SLC19A3: variants seen among roughly 807,000 people sequenced by gnomAD.
SLC19A3 encodes the protein solute carrier family 19 member 3.
Under a neutral mutation model 40.2 loss-of-function variants are expected in SLC19A3, and 31 were observed. The ratio of observed to expected loss-of-function variants is 0.77; its 90% CI spans 0.58 to 1.04. The LOEUF is 1.04. Among genes scored for constraint, SLC19A3 ranks in the 50% least tolerant of loss-of-function variants. The pLI, the probability that SLC19A3 is intolerant of heterozygous loss-of-function variation, is 0.00. For synonymous variants in SLC19A3, 212 were observed against 227.5 expected, an observed-to-expected ratio of 0.93 and a Z score of 0.61; for missense variants, 592 against 596.7, an observed-to-expected ratio of 0.99 and a Z score of 0.08.
Position 227,703,467 on chromosome 2 carries a change from T to C in SLC19A3, c.-2-1147A>G, listed in dbSNP as rs780135447. On this transcript the variant is annotated intron_variant, in intron 1 of 5. Coordinates refer to ENST00000644224, the MANE Select transcript of SLC19A3 (RefSeq NM_025243.4). This position sits in a 1 kb window ranked among gnomAD's most constrained non-coding sequence, Gnocchi z 4.7. ...TTAAGTTCAATAGGGTAAACACTGT[T>C]TATGTCAACAAAGCCCTTGATTAAG... Among the ~76,000 whole-genome samples, 4 of 152,130 alleles carry C rather than the reference T, an allele frequency of 2.6e-5. No homozygotes were observed. Among genetic ancestry groups the C allele is most frequent in the Non-Finnish European group, 4.4e-5 (3 of 68,026 alleles).
chr2:227,709,371 G>C (rs1038208344), intron 1 of SLC19A3, among the ~76,000 whole-genome samples: 1 of 152,106 alleles, frequency 6.6e-6, no homozygotes, highest in African/African-American at 2.4e-5. Context: ...TGTAATTCCA[G>C]CTACTTGGCA....
At chr2:227,687,681 A>G in intron 5 of SLC19A3, 108 bp from the exon 6 acceptor site, 1 of 1,160,976 alleles carries the variant, frequency 8.6e-7, no homozygotes, top group Non-Finnish European at 1.2e-6. Context: ...ACTGAGACCC[A>G]GGTTTTTAAT....
chr2:227,692,536 T>C (rs1695272755), intron 4 of SLC19A3, among the ~76,000 whole-genome samples: 2 of 152,182 alleles, frequency 1.3e-5, no homozygotes, highest in African/African-American at 2.4e-5. Context: ...AAACTGGGTA[T>C]AGAAGGAACA....
At chr2:227,713,868 C>T (rs567746013) in intron 1 of SLC19A3, among the ~76,000 whole-genome samples, 1 of 150,946 alleles carries the variant, frequency 6.6e-6, no homozygotes, top group East Asian at 2.0e-4. Context: ...ATCCTGTGTA[C>T]AAGAATCCAG....
chr2:227,688,119 G>T, intron 5 of SLC19A3, 47 bp downstream of exon 5: 1 of 1,610,726 alleles, frequency 6.2e-7, no homozygotes, highest in Non-Finnish European at 8.5e-7. Context: ...GTAAGGTTGA[G>T]AAATTTTTGA....
rs1574559863 is a variant in SLC19A3 at position 227,699,268 on chromosome 2, G to C, written c.447C>G (p.Ala149=). The C allele has an allele frequency of 3.1e-6, 5 of 1,613,926 alleles. No homozygotes were observed. Among genetic ancestry groups the C allele is most frequent in the Non-Finnish European group, 4.2e-6 (5 of 1,179,952 alleles). The change falls in exon 3 of 6, where the codon GCC becomes GCG. Residue 149 remains alanine, a synonymous_variant. Transcript: ENST00000644224. ...VSGYCRSVTL[A]AYTAGSVLAQ... ...CCAGCACCGACCCTGCTGTGTAGGC[G>C]GCCAGCGTGACGCTCCTGCAGTAGC...
At chr2:227,705,095 C>T (rs1266022927) in intron 1 of SLC19A3, among the ~76,000 whole-genome samples, 2 of 151,394 alleles carry the variant, frequency 1.3e-5, no homozygotes, top group Non-Finnish European at 2.9e-5. Flanking sequence ...CCAGGCTGGT[C>T]TCAAACTCCT....
intron 3 of SLC19A3, among the ~76,000 whole-genome samples, chr2:227,697,818 C>T (rs866895992): frequency 1.8e-4 from 28 of 152,110 alleles, no homozygotes; most frequent in African/African-American, 4.3e-4. Flanking sequence ...TGGCTCACGC[C>T]TGTAATCCCA....
intron 4 of SLC19A3, among the ~76,000 whole-genome samples, chr2:227,691,488 G>T (rs1250367324): frequency 6.6e-6 from 1 of 151,978 alleles, no homozygotes; most frequent in Non-Finnish European, 1.5e-5. Flanking sequence ...GCATGTTTGT[G>T]ATCCCAGCTT....
intron 1 of SLC19A3, among the ~76,000 whole-genome samples, chr2:227,708,827 A>G (rs1696042213): frequency 6.6e-6 from 1 of 152,108 alleles, no homozygotes; most frequent in South Asian, 2.1e-4. Flanking sequence ...AAATTACTTC[A>G]TTGCTAGGAT....
chr2:227,710,196 C>G (rs970997503), intron 1 of SLC19A3, among the ~76,000 whole-genome samples: 1 of 152,048 alleles, frequency 6.6e-6, no homozygotes, highest in African/African-American at 2.4e-5. Flanking sequence ...ATCTAGAATC[C>G]CCACTCTCCA....
At chr2:227,712,795 T>G (rs2106343000) in intron 1 of SLC19A3, among the ~76,000 whole-genome samples, 1 of 116,254 alleles carries the variant, frequency 8.6e-6, no homozygotes, top group East Asian at 2.8e-4. Context: ...AAATTTGCTG[T>G]GCCAAGGAAT....
chr2:227,697,581 C>A (rs934176201), intron 3 of SLC19A3, among the ~76,000 whole-genome samples: 3 of 152,060 alleles, frequency 2.0e-5, no homozygotes, highest in African/African-American at 7.2e-5. Context: ...CCTGTATTAA[C>A]AAAACCCTCA....
chr2:227,713,802 A>T (rs1696231670), intron 1 of SLC19A3, among the ~76,000 whole-genome samples: 1 of 152,064 alleles, frequency 6.6e-6, no homozygotes, highest in South Asian at 2.1e-4. Context: ...ATTTGAAAAA[A>T]AAACAACAAA....
At chr2:227,710,654 C>A (rs143293728) in intron 1 of SLC19A3, among the ~76,000 whole-genome samples, 3 of 152,234 alleles carry the variant, frequency 2.0e-5, no homozygotes, top group East Asian at 1.9e-4. Context: ...CCTTCCCCCC[C>A]AGTTTTTAGA....
intron 3 of SLC19A3, among the ~76,000 whole-genome samples, chr2:227,697,827 C>T (rs1465918316): frequency 1.3e-5 from 2 of 152,080 alleles, no homozygotes; most frequent in Non-Finnish European, 2.9e-5. Flanking sequence ...CCTGTAATCC[C>T]AGCACTTTTG....
At chr2:227,706,468 G>A (rs1022698542) in intron 1 of SLC19A3, 7 of 1,220,656 alleles carry the variant, frequency 5.7e-6, no homozygotes, top group Admixed American at 4.4e-5. Context: ...CTGTGTAAAC[G>A]GTAGATTAAA....
At chr2:227,692,522 CA>C (rs924095308) in intron 4 of SLC19A3, among the ~76,000 whole-genome samples, 5 of 152,144 alleles carry the variant, frequency 3.3e-5, no homozygotes, top group African/African-American at 1.2e-4. Context: ...TAAATACCCT[CA>C]AAAAACTGGG....
intron 4 of SLC19A3, among the ~76,000 whole-genome samples, chr2:227,692,123 C>T (rs1695255278): frequency 6.6e-6 from 1 of 152,182 alleles, no homozygotes; most frequent in Non-Finnish European, 1.5e-5. Context: ...AATGGCTTCA[C>T]TGCTGAATTC....
Sources: allele counts gnomAD v4.1 joint callset (sites outside exome capture counted in the v4.1 genomes callset), GRCh38; gene constraint gnomAD v4.1.1; non-coding constraint Gnocchi (gnomAD v3.1); transcripts MANE v1.5; gene names NCBI Gene and HGNC (gene_info 2026-07-23, HGNC 2026-07-21).